PID1: variants seen among roughly 807,000 people sequenced by gnomAD.
PID1 encodes the protein PTB-containing, cubilin and LRP1-interacting protein.
In PID1, 10 loss-of-function variants were observed where a neutral mutation model predicts 19.1. The observed-to-expected ratio is 0.52, with a 90% CI of 0.32 to 0.89. PID1 has a LOEUF of 0.89. Among genes scored for constraint, PID1 ranks in the 40% least tolerant of loss-of-function variants. PID1 has a pLI of 0.03. For missense variants in PID1, 248 were observed against 285.3 expected, an observed-to-expected ratio of 0.87 and a Z score of 0.94; for synonymous variants, 130 against 116.0, an observed-to-expected ratio of 1.12 and a Z score of -0.78.
intron 2 of PID1, among the ~76,000 whole-genome samples, chr2:229,036,435 T>C (rs1018905859): frequency 2.6e-5 from 4 of 152,180 alleles, no homozygotes; most frequent in Non-Finnish European, 4.4e-5. Flanking sequence ...TTTTGGCAGA[T>C]CTACTTCACT....
chr2:229,113,060 C>T (rs1020275657), intron 2 of PID1, among the ~76,000 whole-genome samples: 1 of 152,040 alleles, frequency 6.6e-6, no homozygotes, highest in Non-Finnish European at 1.5e-5. Context: ...AAAGTAGGAA[C>T]GTCTCCTAGA....
At chr2:229,081,224 T>C (rs1028051752) in intron 2 of PID1, among the ~76,000 whole-genome samples, 3 of 152,196 alleles carry the variant, frequency 2.0e-5, no homozygotes, top group African/African-American at 7.2e-5. Context: ...CATTTAACCA[T>C]TGTTTTCTGA....
intron 1 of PID1, among the ~76,000 whole-genome samples, chr2:229,213,077 G>C (rs916571459): frequency 6.6e-6 from 1 of 152,152 alleles, no homozygotes; most frequent in Non-Finnish European, 1.5e-5. Flanking sequence ...GAGGTAGCGA[G>C]AAAAATGGAG....
rs1282364651 is a variant in PID1 at position 229,223,231 on chromosome 2, A to G, written c.30+47783T>C. 2.0e-5 allele frequency among the ~76,000 whole-genome samples: 3 copies of G among 152,312 alleles called. No homozygotes were observed. In the East Asian group the frequency reaches 5.8e-4, roughly 29 times the overall value. The stretch of plus-strand genomic sequence containing the variant: ...AATTTCCCTAGTATTAGCCTAAAAA[A>G]CAACCAAAAAGCCCCAAAATTATCC... On this transcript the variant is annotated intron_variant, in intron 1 of 2. Transcript: ENST00000392055.
At chr2:229,186,241 T>G (rs777808579) in intron 1 of PID1, among the ~76,000 whole-genome samples, 12 of 152,184 alleles carry the variant, frequency 7.9e-5, no homozygotes, top group Non-Finnish European at 1.6e-4. Context: ...GCCTCCCTCC[T>G]ACCTGCTTTA....
intron 2 of PID1, among the ~76,000 whole-genome samples, chr2:229,116,070 A>C (rs2106153908): frequency 6.6e-6 from 1 of 152,022 alleles, no homozygotes; most frequent in South Asian, 2.1e-4. Flanking sequence ...AAAAATACAA[A>C]AAAAAAATTA....
intron 1 of PID1, among the ~76,000 whole-genome samples, chr2:229,181,844 C>G (rs145286685): frequency 6.6e-5 from 10 of 152,232 alleles, no homozygotes; most frequent in African/African-American, 2.4e-4. Flanking sequence ...AATTAATAAC[C>G]CTCTGAATTG....
intron 1 of PID1, among the ~76,000 whole-genome samples, chr2:229,205,029 A>G (rs1175579204): frequency 6.6e-6 from 1 of 152,196 alleles, no homozygotes; most frequent in Admixed American, 6.5e-5. Context: ...TCCCAAAGTG[A>G]AAAGAAGAAG....
Position 229,208,391 on chromosome 2 carries a change from A to C in PID1, c.31-52427T>G, listed in dbSNP as rs2106246964. Among the ~76,000 whole-genome samples, 2 of 152,356 alleles carry C rather than the reference A, an allele frequency of 1.3e-5. 1 individual carries two copies. ...TTTACCTTGGATATGTATAGAATCC[A>C]AGTAACAATTGTCTCAAAAAGAAAC... On this transcript the variant is annotated intron_variant, in intron 1 of 2. Coordinates refer to ENST00000392055, the MANE Select transcript of PID1 (RefSeq NM_001100818.2).
At chr2:229,074,230 T>C (rs1694513131) in intron 2 of PID1, among the ~76,000 whole-genome samples, 1 of 152,090 alleles carries the variant, frequency 6.6e-6, no homozygotes. Context: ...TTGATTTCTG[T>C]CAACAGATAC....
intron 2 of PID1, among the ~76,000 whole-genome samples, chr2:229,105,671 A>C (rs1695162045): frequency 6.6e-6 from 1 of 152,228 alleles, no homozygotes; most frequent in African/African-American, 2.4e-5. Context: ...CTCTATGTGC[A>C]TCATTTCATA....
chr2:229,176,020 T>C (rs867292610), intron 1 of PID1, among the ~76,000 whole-genome samples: 8 of 152,282 alleles, frequency 5.3e-5, no homozygotes, highest in Middle Eastern at 3.4e-3. Flanking sequence ...GTAACATCTA[T>C]CAAAGCTACA....
At chr2:229,124,474 A>G (rs554465846) in intron 2 of PID1, among the ~76,000 whole-genome samples, 2 of 152,340 alleles carry the variant, frequency 1.3e-5, no homozygotes, top group East Asian at 3.9e-4. Flanking sequence ...ACAGTTATAA[A>G]CAAGAAAGAA....
intron 2 of PID1, among the ~76,000 whole-genome samples, chr2:229,116,231 T>C (rs1695409329): frequency 1.3e-5 from 2 of 152,042 alleles, no homozygotes; most frequent in African/African-American, 2.4e-5. Context: ...TGTCTCAAAA[T>C]AAATAAATTA....
chr2:229,077,228 T>G (rs1240767211), intron 2 of PID1, among the ~76,000 whole-genome samples: 1 of 152,252 alleles, frequency 6.6e-6, no homozygotes, highest in Non-Finnish European at 1.5e-5. Flanking sequence ...AACTTTTTGA[T>G]GGGGTTGTTT....
At chr2:229,069,143 T>TTGTGTGTGTGTGTGTGTGTGTGTGTG (rs61118908) in intron 2 of PID1, among the ~76,000 whole-genome samples, 1 of 140,630 alleles carries the variant, frequency 7.1e-6, no homozygotes, top group African/African-American at 2.7e-5. Flanking sequence ...AGAAGGGTTT[T>TTGTGTGTGTGTGTGTGTGTGTGTGTG]TGTGTGTGTG....
At position 229,158,309 on chromosome 2, in the gene PID1, C is replaced by T. The variant is rs1574677058; in HGVS notation, c.31-2345G>A. ...ACTGAATTTTCATTTTACACTGGGC[C>T]CTATGAGTTGTGTAGCCAGTTTGCA... On this transcript the variant is annotated intron_variant, in intron 1 of 2. Transcript: ENST00000392055. Among the ~76,000 whole-genome samples, 4 of 152,224 alleles carry T rather than the reference C, an allele frequency of 2.6e-5. No homozygotes were observed. In the South Asian group the frequency reaches 8.3e-4, roughly 32 times the overall value.
intron 1 of PID1, among the ~76,000 whole-genome samples, chr2:229,161,033 C>T (rs1430343109): frequency 1.3e-5 from 2 of 152,108 alleles, no homozygotes; most frequent in Admixed American, 1.3e-4. Context: ...TCCTTGCCCC[C>T]AACACTGAAT....
Position 229,025,644 on chromosome 2 carries a change from G to C in PID1, c.642C>G (p.Ser214=). Residue 214 remains serine (S), a synonymous_variant, in exon 3 of 3, where the codon TCC becomes TCG. Transcript: ENST00000392055. ...SSEEVSQELE[S]DDG ...GTCTCAAGTTCATTCAGCCATCATCGGATTCCAATTCCTGGGAAACCTCTT... is the reference window on the plus strand; with the variant it reads ...GTCTCAAGTTCATTCAGCCATCATCCGATTCCAATTCCTGGGAAACCTCTT... The C allele has an allele frequency of 6.2e-7, 1 of 1,608,690 alleles. No individual in the cohort carries two copies. The highest frequency in any genetic ancestry group is 8.5e-7 in the Non-Finnish European group (1 of 1,175,416).
Sources: allele counts gnomAD v4.1 joint callset (sites outside exome capture counted in the v4.1 genomes callset), GRCh38; gene constraint gnomAD v4.1.1; transcripts MANE v1.5; gene names NCBI Gene and HGNC (gene_info 2026-07-23, HGNC 2026-07-21).